The following C19orf81 variants were observed in gnomAD, a reference collection of about 807,000 sequenced individuals.
The protein encoded by C19orf81 is putative uncharacterized protein C19orf81.
Under a neutral mutation model 22.1 loss-of-function variants are expected in C19orf81, and 19 were observed. That is an observed-to-expected ratio of 0.86 (90% CI 0.60 to 1.26). The LOEUF (loss-of-function observed/expected upper bound fraction) is 1.26, where lower values mean the gene tolerates loss of function less well. C19orf81 is among the 50% of genes most tolerant of loss of function. The pLI, the probability that C19orf81 is intolerant of heterozygous loss-of-function variation, is 0.00. For synonymous variants in C19orf81, 108 were observed against 113.1 expected, an observed-to-expected ratio of 0.95 and a Z score of 0.29; for missense variants, 287 against 280.7, an observed-to-expected ratio of 1.02 and a Z score of -0.16.
At chr19:50,658,823 G>C in intron 4 of C19orf81, 124 bp from the exon 5 acceptor site, 2 of 863,754 alleles carry the variant, frequency 2.3e-6, no homozygotes, top group East Asian at 3.3e-5. Flanking sequence ...TTTAGGGACG[G>C]AGCGATGGTC....
intron 4 of C19orf81, chr19:50,658,356 A>C: frequency 7.8e-6 from 1 of 128,640 alleles, no homozygotes; most frequent in Non-Finnish European, 1.3e-5. Context: ...GGGTGTTGTG[A>C]GGCGGGGCGA....
intron 1 of C19orf81, among the ~76,000 whole-genome samples, chr19:50,650,583 A>G (rs536878483): frequency 3.3e-5 from 5 of 152,260 alleles, no homozygotes; most frequent in Admixed American, 6.5e-5. Flanking sequence ...AGGCAGGAGA[A>G]TCGCTTGAAC....
In C19orf81 at chr19:50,658,585, G is replaced by A. The variant is rs994026040; in HGVS notation, c.402-362G>A. The A allele has an allele frequency of 2.7e-5, 7 of 262,730 alleles. 1 individual carries two copies. The South Asian group carries it at 3.3e-4, about 12-fold the overall frequency. The allele number at this position is 262,730 out of a possible 1,614,324, so 16.3% of individuals were successfully genotyped here. On this transcript the variant is annotated intron_variant, in intron 4 of 4. Coordinates refer to ENST00000425202, the MANE Select transcript of C19orf81 (RefSeq NM_001195076.2). ...CTGAGCCTGGAAAGGCAGCTGTGAG[G>A]GGGTGGAAGAGACTGAGCACATAGT...
At chr19:50,658,900 G>A (rs1371622598) in intron 4 of C19orf81, 47 bp from the exon 5 acceptor site, 2 of 1,387,450 alleles carry the variant, frequency 1.4e-6, no homozygotes, top group East Asian at 2.9e-5. Context: ...CAAAGCCAGG[G>A]CTGAAACGAC....
chr19:50,655,463 A>T (rs894304932), intron 1 of C19orf81, among the ~76,000 whole-genome samples: 1 of 152,164 alleles, frequency 6.6e-6, no homozygotes, highest in African/African-American at 2.4e-5. Context: ...ATCCTGGCTA[A>T]CACAGTGAAA....
At position 50,657,950 on chromosome 19, in the gene C19orf81, G is replaced by A. The variant is rs56839356; in HGVS notation, c.262-39G>A. ...TGACTTCTGAACCCAAAATGAACCA[G>A]GAGGCCACGGGCTGAGGTTCTCTCT... On this transcript the variant is annotated intron_variant, in intron 3 of 4. Coordinates refer to ENST00000425202, the MANE Select transcript of C19orf81 (RefSeq NM_001195076.2). 402 of 1,493,898 alleles carry A rather than the reference G, an allele frequency of 2.7e-4. 2 individuals carry two copies. In the African/African-American group the frequency reaches 5.2e-3, roughly 19 times the overall value. The allele number at this position is 1,493,898 out of a possible 1,614,324, so 92.5% of individuals were successfully genotyped here.
chr19:50,652,387 A>G (rs1449492015), intron 1 of C19orf81, among the ~76,000 whole-genome samples: 1 of 152,180 alleles, frequency 6.6e-6, no homozygotes, highest in Admixed American at 6.5e-5. Context: ...GGGAAGACAG[A>G]GTGTAATTAG....
chr19:50,651,030 A>G (rs1984867774), intron 1 of C19orf81, among the ~76,000 whole-genome samples: 1 of 152,210 alleles, frequency 6.6e-6, no homozygotes, highest in African/African-American at 2.4e-5. Context: ...TTGTGGAACC[A>G]ATCACATTTT....
intron 1 of C19orf81, among the ~76,000 whole-genome samples, chr19:50,653,923 A>G (rs1033640533): frequency 1.3e-5 from 2 of 151,868 alleles, no homozygotes; most frequent in Non-Finnish European, 2.9e-5. Flanking sequence ...AGATGGAGCT[A>G]ATGCTGGGGT....
chr19:50,658,883 C>A (rs1985067802), intron 4 of C19orf81, 64 bp from the exon 5 acceptor site: 2 of 1,340,518 alleles, frequency 1.5e-6, no homozygotes, highest in Non-Finnish European at 2.0e-6. Flanking sequence ...AGGGACTCTT[C>A]GACGATCAAA....
In C19orf81 at chr19:50,656,207, C is replaced by T. The variant is rs1237733572; in HGVS notation, c.141-19C>T. ...GAACCCTGACCTCAGAGGTCCCTGC[C>T]TGTTCGCTCTCTCCCTAGAAAGCAG... is the stretch of plus-strand genomic sequence containing the variant. On this transcript the variant is annotated intron_variant, in intron 2 of 4. Coordinates refer to ENST00000425202, the MANE Select transcript of C19orf81 (RefSeq NM_001195076.2). 5 of 1,536,056 alleles carry T rather than the reference C, an allele frequency of 3.3e-6. No homozygotes were observed. In the East Asian group the frequency reaches 1.2e-4, roughly 38 times the overall value.
At chr19:50,656,463 G>A in intron 3 of C19orf81, 117 bp downstream of exon 3, 4 of 1,350,822 alleles carry the variant, frequency 3.0e-6, no homozygotes, top group Non-Finnish European at 2.9e-6. Flanking sequence ...ATAAGCTGTG[G>A]GCTTGCCACC....
rs1258737240 is a variant in C19orf81, at chr19:50,656,291, G to A, written c.206G>A (p.Arg69Gln). Residue 69 changes from arginine to glutamine, a missense_variant, in exon 3 of 5, where the codon CGG becomes CAG. Physicochemically the swap from Arg to Gln is conservative, Grantham distance 43. Coordinates refer to ENST00000425202, the MANE Select transcript of C19orf81 (RefSeq NM_001195076.2). ...EALDRELPCI[R>Q]KFPTPPASQP... Reference sequence around the variant, plus strand: ...CTGGACCGAGAACTCCCGTGCATCCGGAAGTTCCCCACACCACCAGCTTCC... The same window carrying A: ...CTGGACCGAGAACTCCCGTGCATCCAGAAGTTCCCCACACCACCAGCTTCC... 5.9e-6 allele frequency: 9 copies of A among 1,536,044 alleles called. No homozygotes were observed. Among genetic ancestry groups the A allele is most frequent in the Middle Eastern group, 1.7e-4 (1 of 6,012 alleles).
chr19:50,653,270 CTCAG>C (rs1186170399), intron 1 of C19orf81, among the ~76,000 whole-genome samples: 4 of 152,112 alleles, frequency 2.6e-5, no homozygotes, highest in East Asian at 1.9e-4. Flanking sequence ...AACTCCTGAG[CTCAG>C]TCAATCTGCC....
chr19:50,657,319 T>C (rs1985018060), intron 3 of C19orf81, among the ~76,000 whole-genome samples: 1 of 152,136 alleles, frequency 6.6e-6, no homozygotes, highest in Non-Finnish European at 1.5e-5. Context: ...CTCTCCAGCC[T>C]CCCCTCTCAC....
At chr19:50,649,942 C>A in intron 1 of C19orf81, 1 of 432,078 alleles carries the variant, frequency 2.3e-6, no homozygotes. Flanking sequence ...TTCCCTCCCA[C>A]AGCCCATCAG....
intron 4 of C19orf81, chr19:50,658,584 G>T (rs1360726467): frequency 7.6e-6 from 2 of 261,466 alleles, no homozygotes; most frequent in Non-Finnish European, 7.3e-6. Context: ...GCAGCTGTGA[G>T]GGGGTGGAAG....
intron 1 of C19orf81, among the ~76,000 whole-genome samples, chr19:50,650,688 A>G (rs775451431): frequency 6.6e-6 from 1 of 152,148 alleles, no homozygotes; most frequent in Admixed American, 6.5e-5. Context: ...AAAACAAACA[A>G]ACAAACAAAC....
At position 50,659,181 on chromosome 19, in the gene C19orf81, G is replaced by A; in HGVS notation, c.*39G>A. The A allele has an allele frequency of 1.6e-6, 2 of 1,271,902 alleles. No individual in the cohort carries two copies. The highest frequency in any genetic ancestry group is 9.9e-7 in the Non-Finnish European group (1 of 1,009,392). 78.8% of individuals were successfully genotyped at this position (1,271,902 alleles called of 1,614,324 possible). A position where few individuals can be genotyped will look rare whatever the true frequency, so the allele number is the denominator to read the frequency against. On this transcript the variant is annotated 3_prime_UTR_variant, in exon 5 of 5. Transcript: ENST00000425202. ...CCCGGCAGCGCTTGCGCACCGCCCCGCGGGCTGGGGCCACCCACCCGGAGC... is the reference window on the plus strand; with the variant it reads ...CCCGGCAGCGCTTGCGCACCGCCCCACGGGCTGGGGCCACCCACCCGGAGC...
Sources: gnomAD v4.1 joint callset for allele counts (sites outside exome capture counted in the v4.1 genomes callset) on GRCh38, gnomAD v4.1.1 for gene constraint, MANE v1.5 for transcripts, NCBI Gene and HGNC (gene_info 2026-07-23, HGNC 2026-07-21) for gene names.